The following TP53I11 variants were observed in gnomAD, a reference collection of about 807,000 sequenced individuals.
The protein encoded by TP53I11 is tumor protein p53 inducible protein 11.
In TP53I11, 9 loss-of-function variants were observed where a neutral mutation model predicts 23.3. The ratio of observed to expected loss-of-function variants is 0.39; its 90% CI spans 0.23 to 0.67. The LOEUF (loss-of-function observed/expected upper bound fraction) is 0.67, where lower values mean the gene tolerates loss of function less well. Among genes scored for constraint, TP53I11 ranks in the 30% least tolerant of loss-of-function variants. TP53I11 has a pLI of 0.48. For synonymous variants in TP53I11, 100 were observed against 106.1 expected (o/e 0.94, Z 0.35); for missense variants, 170 against 255.2 (o/e 0.67, Z 2.27).
rs2135425193 is a variant in TP53I11 at position 44,936,535 on chromosome 11, A to T, written c.334+268T>A. The T allele has an allele frequency of 8.0e-7, 1 of 1,254,476 alleles. No individual in the cohort carries two copies. The highest frequency in any genetic ancestry group is 3.1e-5 in the East Asian group (1 of 31,900). 77.7% of individuals were successfully genotyped at this position (1,254,476 alleles called of 1,614,324 possible). On this transcript the variant is annotated intron_variant, in intron 5 of 6. Coordinates refer to ENST00000525680, the MANE Select transcript of TP53I11 (RefSeq NM_006034.5). The surrounding 1 kb of genome is among the most constrained non-coding windows in gnomAD (Gnocchi z 4.4). Reference sequence around the variant, plus strand: ...TGGGCTTCCTCCATCTCTGTACCACAACGCCCAGAGGCAGTGCACACACTT... The same window carrying T: ...TGGGCTTCCTCCATCTCTGTACCACTACGCCCAGAGGCAGTGCACACACTT...
rs148442838 is a variant in TP53I11, at chr11:44,935,522, G to A, written c.436+39C>T. The A allele has an allele frequency of 5.3e-3, 8,372 of 1,585,870 alleles. 31 individuals are homozygous for A. Among genetic ancestry groups the A allele is most frequent in the Non-Finnish European group, 6.5e-3 (7,476 of 1,154,574 alleles). ...AGAGCAGGCAGGTCAGGGGCGAAGC[G>A]GCCCATCAGCCTCCCTCACTGCCCA... On this transcript the variant is annotated intron_variant, in intron 6 of 6. Transcript: ENST00000525680.
At chr11:44,948,418 C>T (rs924686803) in intron 1 of TP53I11, among the ~76,000 whole-genome samples, 1 of 152,148 alleles carries the variant, frequency 6.6e-6, no homozygotes, top group Non-Finnish European at 1.5e-5. Context: ...CCCTCATCTC[C>T]CTCAAGGCTG....
intron 6 of TP53I11, 106 bp downstream of exon 6, chr11:44,935,455 C>G: frequency 9.6e-7 from 1 of 1,037,392 alleles, no homozygotes; most frequent in South Asian, 1.4e-5. Context: ...CCCTAGCCCC[C>G]CACAGACAGG....
At chr11:44,937,193 G>A in intron 4 of TP53I11, 111 bp downstream of exon 4, 1 of 1,367,122 alleles carries the variant, frequency 7.3e-7, no homozygotes, top group Non-Finnish European at 1.0e-6. Flanking sequence ...GAGCCTGACA[G>A]ATGGGCCCCT....
chr11:44,935,725 G>A, intron 5 of TP53I11, 63 bp from the exon 6 acceptor site: 1 of 1,227,346 alleles, frequency 8.1e-7, no homozygotes, highest in Non-Finnish European at 1.2e-6. Context: ...AGCAGGGCAG[G>A]AGGACTGCTC....
chr11:44,936,988 G>A lies in TP53I11; in HGVS notation c.238-89C>T, dbSNP rs541231940. 63 of 960,570 alleles carry A rather than the reference G, an allele frequency of 6.6e-5. No homozygotes were observed. In the Middle Eastern group the frequency reaches 1.3e-3, roughly 19 times the overall value. The allele number at this position is 960,570 out of a possible 1,614,324, so 59.5% of individuals were successfully genotyped here. On this transcript the variant is annotated intron_variant, in intron 4 of 6. Coordinates refer to ENST00000525680, the MANE Select transcript of TP53I11 (RefSeq NM_006034.5). The surrounding 1 kb of genome is among the most constrained non-coding windows in gnomAD (Gnocchi z 4.4). ...CTTCCCACAGACGTCTTCCTTCCCC[G>A]CCAGGAGCAGGATCAGCATCCTTGG...
Position 44,938,382 on chromosome 11 carries a change from G to C in TP53I11, c.-31-16C>G, listed in dbSNP as rs750276712. 1 of 1,516,474 alleles carries C rather than the reference G, an allele frequency of 6.6e-7. No homozygotes were observed. Among genetic ancestry groups the C allele is most frequent in the Non-Finnish European group, 8.8e-7 (1 of 1,133,966 alleles). The allele number at this position is 1,516,474 out of a possible 1,614,324, so 93.9% of individuals were successfully genotyped here. ...TGCAGAAGGGCTGAGGGGAGACACC[G>C]GCCTCAGGCCACAGTTCCTACCCAG... On this transcript the variant is annotated splice_polypyrimidine_tract_variant and intron_variant, in intron 1 of 6. Coordinates refer to ENST00000525680, the MANE Select transcript of TP53I11 (RefSeq NM_006034.5).
chr11:44,935,244 A>T (rs1400800244), intron 6 of TP53I11, among the ~76,000 whole-genome samples: 1 of 152,184 alleles, frequency 6.6e-6, no homozygotes, highest in Non-Finnish European at 1.5e-5. Context: ...CAGGTGGGCA[A>T]AATTGAATGC....
At chr11:44,941,811 C>G (rs1188740566) in intron 1 of TP53I11, among the ~76,000 whole-genome samples, 1 of 152,124 alleles carries the variant, frequency 6.6e-6, no homozygotes, top group Non-Finnish European at 1.5e-5. Flanking sequence ...GATCTCAGTC[C>G]CCGGGCACAA....
chr11:44,941,881 G>C (rs1397235417), intron 1 of TP53I11, among the ~76,000 whole-genome samples: 1 of 152,084 alleles, frequency 6.6e-6, no homozygotes, highest in African/African-American at 2.4e-5. Flanking sequence ...ACCTCCGAGG[G>C]GCAGAAGCTT....
At chr11:44,946,936 C>G (rs1397091023) in intron 1 of TP53I11, 1 of 446,996 alleles carries the variant, frequency 2.2e-6, no homozygotes, top group Non-Finnish European at 4.5e-6. Context: ...TCTTCCTACT[C>G]TTTCTTTTTG....
chr11:44,951,046 G>T (rs1406842431), upstream of TP53I11: 1 of 152,050 alleles, frequency 6.6e-6, no homozygotes, highest in Non-Finnish European at 1.5e-5. Context: ...AGGCTCTCCC[G>T]GGGGCCGCCT....
chr11:44,935,520 G>C, intron 6 of TP53I11, 41 bp downstream of exon 6: 2 of 1,584,452 alleles, frequency 1.3e-6, no homozygotes, highest in Non-Finnish European at 1.7e-6. Context: ...CAGGGGCGAA[G>C]CGGCCCATCA....
At position 44,942,079 on chromosome 11, in the gene TP53I11, CCATA is replaced by C. The variant is rs1173887212; in HGVS notation, c.-31-3717_-31-3714del. ...ACACCACACACATACCACACACACA[CCATA>C]CAAACTACACACACCACACAATACG... is the stretch of plus-strand genomic sequence containing the variant. On this transcript the variant is annotated intron_variant, in intron 1 of 6. Coordinates refer to ENST00000525680, the MANE Select transcript of TP53I11 (RefSeq NM_006034.5). Among the ~76,000 whole-genome samples the C allele has an allele frequency of 9.2e-3, 167 of 18,204 alleles. 1 individual carries two copies. Among genetic ancestry groups the C allele is most frequent in the Admixed American group, 0.058 (105 of 1,820 alleles). The allele number at this position is 18,204 out of a possible 152,430, so 11.9% of individuals were successfully genotyped here.
chr11:44,944,419 C>T (rs1285092898), intron 1 of TP53I11, among the ~76,000 whole-genome samples: 1 of 152,168 alleles, frequency 6.6e-6, no homozygotes, highest in Non-Finnish European at 1.5e-5. Flanking sequence ...CAAGATCTGA[C>T]TCCCTGCAGT....
At chr11:44,938,466 T>C in intron 1 of TP53I11, 100 bp from the exon 2 acceptor site, 1 of 1,350,958 alleles carries the variant, frequency 7.4e-7, no homozygotes, top group Non-Finnish European at 9.7e-7. Flanking sequence ...ACACCAGGCC[T>C]GCTGAGGCCT....
intron 2 of TP53I11, 103 bp from the exon 3 acceptor site, chr11:44,937,716 C>T: frequency 7.9e-7 from 1 of 1,268,786 alleles, no homozygotes. Flanking sequence ...CCAGCCTGGG[C>T]ACCTCAGCTT....
chr11:44,939,829 C>T (rs1861577126), intron 1 of TP53I11, among the ~76,000 whole-genome samples: 1 of 152,240 alleles, frequency 6.6e-6, no homozygotes, highest in Non-Finnish European at 1.5e-5. Context: ...TTTAGTTCCT[C>T]ATCCACAAAA....
At chr11:44,942,585 G>A (rs903731624) in intron 1 of TP53I11, among the ~76,000 whole-genome samples, 7 of 152,208 alleles carry the variant, frequency 4.6e-5, no homozygotes, top group Admixed American at 1.3e-4. Flanking sequence ...GCACTACAGT[G>A]TCCTGGACAG....
Sources: gnomAD v4.1 joint callset for allele counts (sites outside exome capture counted in the v4.1 genomes callset) on GRCh38, gnomAD v4.1.1 for gene constraint, Gnocchi (gnomAD v3.1) non-coding constraint, MANE v1.5 for transcripts, NCBI Gene and HGNC (gene_info 2026-07-23, HGNC 2026-07-21) for gene names.